The following AGBL4 variants were observed in gnomAD, a reference collection of about 807,000 sequenced individuals.
The protein encoded by AGBL4 is AGBL carboxypeptidase 4.
In AGBL4, 58 loss-of-function variants were observed where a neutral mutation model predicts 66.4. The observed-to-expected ratio is 0.87, with a 90% CI of 0.71 to 1.09. The LOEUF is 1.09. AGBL4 is among the 50% of genes least tolerant of loss of function. The pLI, the probability that AGBL4 is intolerant of heterozygous loss-of-function variation, is 0.00. For missense variants in AGBL4, 579 were observed against 631.0 expected (o/e 0.92, Z 0.88); for synonymous variants, 234 against 222.9 (o/e 1.05, Z -0.44).
At chr1:49,748,851 G>A (rs182473028) in intron 2 of AGBL4, among the ~76,000 whole-genome samples, 76 of 152,186 alleles carry the variant, frequency 5.0e-4, no homozygotes, top group African/African-American at 1.8e-3. Context: ...TTTTGATGGG[G>A]CTGTTTGTTT....
At chr1:49,041,042 A>G (rs1260167372) in intron 5 of AGBL4, among the ~76,000 whole-genome samples, 1 of 152,088 alleles carries the variant, frequency 6.6e-6, no homozygotes, top group Non-Finnish European at 1.5e-5. Flanking sequence ...TTTGTTCAGT[A>G]GGTTTAAAAG....
chr1:48,975,496 T>C (rs1336772479), intron 5 of AGBL4, among the ~76,000 whole-genome samples: 1 of 152,098 alleles, frequency 6.6e-6, no homozygotes, highest in Non-Finnish European at 1.5e-5. Flanking sequence ...AGAAACCATC[T>C]CAACTATCTT....
At chr1:49,938,998 G>C (rs1654436679) in intron 1 of AGBL4, among the ~76,000 whole-genome samples, 1 of 151,976 alleles carries the variant, frequency 6.6e-6, no homozygotes, top group Non-Finnish European at 1.5e-5. Context: ...AGCAACTTCA[G>C]CAAAGTCTCA....
At chr1:49,708,713 T>C (rs1175110392) in intron 2 of AGBL4, among the ~76,000 whole-genome samples, 6 of 152,198 alleles carry the variant, frequency 3.9e-5, no homozygotes, top group African/African-American at 1.4e-4. Context: ...CTCTTTCATG[T>C]TGGTGACCTT....
intron 5 of AGBL4, among the ~76,000 whole-genome samples, chr1:48,892,698 A>T (rs577032681): frequency 3.0e-4 from 45 of 152,292 alleles, no homozygotes; most frequent in African/African-American, 1.1e-3. Flanking sequence ...ATACACATTT[A>T]TCTCAGTGAG....
chr1:49,842,463 T>C, intron 2 of AGBL4: 1 of 934,196 alleles, frequency 1.1e-6, no homozygotes, highest in Non-Finnish European at 1.3e-6. Context: ...GCATGTGCTC[T>C]CTAATTCTTC....
intron 5 of AGBL4, among the ~76,000 whole-genome samples, chr1:48,950,873 C>G (rs1016426177): frequency 1.3e-5 from 2 of 152,166 alleles, no homozygotes; most frequent in Non-Finnish European, 2.9e-5. Flanking sequence ...AAACCTACTT[C>G]TACTATCCCC....
chr1:48,892,777 T>A (rs574632209), intron 5 of AGBL4, among the ~76,000 whole-genome samples: 1 of 152,338 alleles, frequency 6.6e-6, no homozygotes, highest in African/African-American at 2.4e-5. Flanking sequence ...GAATTTTCCC[T>A]TTTGCTTAGT....
intron 6 of AGBL4, among the ~76,000 whole-genome samples, chr1:48,692,487 G>A (rs964607833): frequency 5.3e-5 from 8 of 152,162 alleles, no homozygotes; most frequent in African/African-American, 1.9e-4. Context: ...AAGAAGTCTG[G>A]GAGAGGAGCG....
chr1:49,847,511 A>T (rs1646179902), intron 2 of AGBL4, among the ~76,000 whole-genome samples: 1 of 152,158 alleles, frequency 6.6e-6, no homozygotes, highest in African/African-American at 2.4e-5. Flanking sequence ...CACACTATAC[A>T]TCGGACAGGG....
chr1:49,375,047 C>T (rs1367609341), intron 3 of AGBL4, among the ~76,000 whole-genome samples: 2 of 152,162 alleles, frequency 1.3e-5, no homozygotes, highest in African/African-American at 4.8e-5. Context: ...AAATTACTTG[C>T]ATTTTCTTAC....
rs368163342 is a variant in AGBL4, at chr1:48,868,279, A to C, written c.595-1049T>G. 1.1e-4 allele frequency among the ~76,000 whole-genome samples: 16 copies of C among 152,318 alleles called. No individual in the cohort carries two copies. In the South Asian group the frequency reaches 2.9e-3, roughly 28 times the overall value. ...CCTTGCTATATTTTACCTCCCCTGC[A>C]TTTCCCTCTTTATCTTGCCTCTATC... is the stretch of plus-strand genomic sequence containing the variant. On this transcript the variant is annotated intron_variant, in intron 5 of 13. Coordinates refer to ENST00000371839, the MANE Select transcript of AGBL4 (RefSeq NM_032785.4).
chr1:49,328,645 G>T (rs1317963446), intron 3 of AGBL4, among the ~76,000 whole-genome samples: 1 of 152,090 alleles, frequency 6.6e-6, no homozygotes, highest in Admixed American at 6.6e-5. Context: ...TGGTCATTCT[G>T]CTACCACCTC....
chr1:49,062,097 G>A lies in AGBL4; in HGVS notation c.378-16297C>T, dbSNP rs375331639. Among the ~76,000 whole-genome samples, 7 of 152,254 alleles carry A rather than the reference G, an allele frequency of 4.6e-5. No individual in the cohort carries two copies. In the South Asian group the frequency reaches 1.5e-3, roughly 32 times the overall value. On this transcript the variant is annotated intron_variant, in intron 4 of 13. Transcript: ENST00000371839. ...GATCTAGATTGCACTCTCCTTATGA[G>A]AATCTAACTAATGCCTGATGATCTG...
intron 8 of AGBL4, among the ~76,000 whole-genome samples, chr1:48,643,195 A>G (rs1479724745): frequency 2.0e-5 from 3 of 152,234 alleles, no homozygotes; most frequent in East Asian, 1.9e-4. Flanking sequence ...TTCTTACACT[A>G]TGTTGTCAAT....
At chr1:49,193,263 G>C (rs905763478) in intron 4 of AGBL4, among the ~76,000 whole-genome samples, 1 of 149,608 alleles carries the variant, frequency 6.7e-6, no homozygotes, top group Non-Finnish European at 1.5e-5. Context: ...TGTTTAGTTT[G>C]TTCTTGTTTT....
chr1:49,233,482 G>A (rs1038396499), intron 4 of AGBL4, among the ~76,000 whole-genome samples: 4 of 152,186 alleles, frequency 2.6e-5, no homozygotes, highest in African/African-American at 9.7e-5. Flanking sequence ...GCAATAACTG[G>A]CAGAACTGGT....
chr1:48,673,012 G>A (rs1646302330), intron 6 of AGBL4, among the ~76,000 whole-genome samples: 1 of 152,108 alleles, frequency 6.6e-6, no homozygotes, highest in Admixed American at 6.5e-5. Context: ...GCCCGGGGCT[G>A]CCAGGCTAGT....
At chr1:49,101,341 C>T (rs867187312) in intron 4 of AGBL4, among the ~76,000 whole-genome samples, 1 of 152,096 alleles carries the variant, frequency 6.6e-6, no homozygotes, top group African/African-American at 2.4e-5. Flanking sequence ...TGCGTGGCAG[C>T]ATCCCCAGCT....
Sources: gnomAD v4.1 joint callset for allele counts (sites outside exome capture counted in the v4.1 genomes callset) on GRCh38, gnomAD v4.1.1 for gene constraint, MANE v1.5 for transcripts, NCBI Gene and HGNC (gene_info 2026-07-23, HGNC 2026-07-21) for gene names.